Variants in DOP1B observed in about 807,000 individuals in gnomAD.
DOP1B encodes DOP1 leucine zipper like protein B, also known as protein DOP1B.
DOP1B carries 174 observed loss-of-function variants against 233.5 expected under a neutral mutation model. The observed-to-expected ratio is 0.75, with a 90% confidence interval of 0.66 to 0.85. The LOEUF (loss-of-function observed/expected upper bound fraction) is 0.85, where lower values mean the gene tolerates loss of function less well. DOP1B is among the 40% of genes least tolerant of loss of function. The probability of loss-of-function intolerance (pLI) is 0.00; values close to 1 mark genes in which losing one functional copy is unlikely to be tolerated. For synonymous variants in DOP1B, 1,190 were observed against 1,185.6 expected (o/e 1.00, Z -0.08); for missense variants, 2,652 against 2,846.6 (o/e 0.93, Z 1.56).
chr21:36,209,717 A>G (rs565402807), intron 5 of DOP1B, among the ~76,000 whole-genome samples: 12 of 152,182 alleles, frequency 7.9e-5, no homozygotes, highest in African/African-American at 2.6e-4. Flanking sequence ...CCTGGTAACG[A>G]CATCCCTTCT....
intron 5 of DOP1B, among the ~76,000 whole-genome samples, chr21:36,211,071 C>T (rs376494844): frequency 1.8e-4 from 28 of 152,356 alleles, no homozygotes; most frequent in East Asian, 9.6e-4. Context: ...GCCCAGCTTT[C>T]CCGTGGAGCA....
intron 4 of DOP1B, among the ~76,000 whole-genome samples, chr21:36,203,643 G>T (rs2066395681): frequency 1.4e-5 from 2 of 140,850 alleles, no homozygotes; most frequent in African/African-American, 2.9e-5. Flanking sequence ...GGAGGGTGCA[G>T]TGGGGGGGGT....
At chr21:36,252,911 C>T (rs1289796442) in intron 22 of DOP1B, among the ~76,000 whole-genome samples, 1 of 152,220 alleles carries the variant, frequency 6.6e-6, no homozygotes, top group East Asian at 1.9e-4. Context: ...CCTTTGTTCC[C>T]TCCCACCCCT....
In DOP1B at chr21:36,167,929, C is replaced by CTTTTTTTTTTTTTT. The variant is rs1568996068; in HGVS notation, c.138+3062_138+3063insTTTTTTTTTTTTTT. Reference sequence around the variant, plus strand: ...GGTAAGTCACATTTTCTTTTCTTTTCTTTTCTTTTTCTTTTTTTTTTTTTT... The same window carrying CTTTTTTTTTTTTTT: ...GGTAAGTCACATTTTCTTTTCTTTTCTTTTTTTTTTTTTTTTTTCTTTTTCTTTTTTTTTTTTTT... On this transcript the variant is annotated intron_variant, in intron 2 of 36. Transcript: ENST00000691173. Among the ~76,000 whole-genome samples, 33 of 97,310 alleles carry CTTTTTTTTTTTTTT rather than the reference C, an allele frequency of 3.4e-4. 4 individuals are homozygous for CTTTTTTTTTTTTTT. The highest frequency in any genetic ancestry group is 5.4e-4 in the African/African-American group (14 of 26,008). The allele number at this position is 97,310 out of a possible 152,430, so 63.8% of individuals were successfully genotyped here.
At position 36,246,864 on chromosome 21, in the gene DOP1B, T is replaced by TTATGC. The variant is rs1042462383; in HGVS notation, c.4697+191_4697+192insCTATG. ...ATCCATTATGTTATGTTATGTTATG[T>TTATGC]TATGTTATGTTATGTTATGTTATGT... is the stretch of plus-strand genomic sequence containing the variant. On this transcript the variant is annotated intron_variant, in intron 19 of 36. Coordinates refer to ENST00000691173, the MANE Select transcript of DOP1B (RefSeq NM_001320714.2). The surrounding 1 kb of genome is among the most constrained non-coding windows in gnomAD (Gnocchi z 5.1). Among the ~76,000 whole-genome samples the TTATGC allele has an allele frequency of 2.0e-5, 3 of 147,090 alleles. No individual in the cohort carries two copies. Among genetic ancestry groups the TTATGC allele is most frequent in the Non-Finnish European group, 4.4e-5 (3 of 67,700 alleles).
Position 36,214,171 on chromosome 21 carries a change from C to G in DOP1B, c.995C>G (p.Ser332Cys). 6.2e-7 allele frequency: 1 copy of G among 1,610,684 alleles called. No individual in the cohort carries two copies. Among genetic ancestry groups the G allele is most frequent in the South Asian group, 1.1e-5 (1 of 90,642 alleles). ...TCGTCTTATTTTTTTGAAAAATACT[C>G]CAAGGATCTTTTAGTTGAGGTAAAG... ...DQSSYFFEKY[S>C]KDLLVEGLAE... Residue 332 changes from serine (S) to cysteine (C), a missense_variant, in exon 8 of 37, where the codon TCC (serine) becomes TGC (cysteine). Coordinates refer to ENST00000691173, the MANE Select transcript of DOP1B (RefSeq NM_001320714.2).
rs1369535578 is a variant in DOP1B, at chr21:36,219,495, A to G, written c.1250+3A>G. The G allele has an allele frequency of 1.9e-6, 3 of 1,613,822 alleles. No individual in the cohort carries two copies. Among genetic ancestry groups the G allele is most frequent in the Non-Finnish European group, 2.5e-6 (3 of 1,179,966 alleles). ...CAGAGTGGAAATTCGCTGATAAGGTATGGGTTTGGCCTTGAACCTCACGCA... is the reference window on the plus strand; with the variant it reads ...CAGAGTGGAAATTCGCTGATAAGGTGTGGGTTTGGCCTTGAACCTCACGCA... On this transcript the variant is annotated splice_donor_region_variant and intron_variant, in intron 10 of 36. Transcript: ENST00000691173.
At chr21:36,163,973 G>A (rs1197623352) in intron 1 of DOP1B, among the ~76,000 whole-genome samples, 1 of 152,228 alleles carries the variant, frequency 6.6e-6, no homozygotes, top group Non-Finnish European at 1.5e-5. Flanking sequence ...GCTTATGCCA[G>A]GAAGTCTGCC....
chr21:36,207,565 G>T (rs1268672408), intron 4 of DOP1B, among the ~76,000 whole-genome samples: 3 of 147,966 alleles, frequency 2.0e-5, no homozygotes, highest in Non-Finnish European at 3.0e-5. Context: ...CGAGGTCGAG[G>T]CTCCTTCCCC....
intron 2 of DOP1B, chr21:36,170,016 G>T (rs900787956): frequency 4.0e-6 from 3 of 745,398 alleles, no homozygotes; most frequent in Admixed American, 3.5e-5. Flanking sequence ...CCCGTGTGAT[G>T]TGGGTCATGC....
At chr21:36,283,416 G>T (rs911510905) in intron 32 of DOP1B, among the ~76,000 whole-genome samples, 2 of 124,316 alleles carry the variant, frequency 1.6e-5, no homozygotes, top group African/African-American at 5.9e-5. Context: ...AGCATTAACA[G>T]CGTTGACTCG....
At chr21:36,161,221 C>G (rs2065866340) in intron 1 of DOP1B, among the ~76,000 whole-genome samples, 1 of 152,104 alleles carries the variant, frequency 6.6e-6, no homozygotes. Flanking sequence ...TCTGAGCCCA[C>G]TGCAACCTCC....
At chr21:36,198,962 C>T in intron 2 of DOP1B, 108 bp from the exon 3 acceptor site, 1 of 1,214,744 alleles carries the variant, frequency 8.2e-7, no homozygotes, top group Non-Finnish European at 1.1e-6. Context: ...CTCTTTCTTA[C>T]AGCCACACTG....
chr21:36,180,554 C>T (rs2066085759), intron 2 of DOP1B, among the ~76,000 whole-genome samples: 2 of 148,980 alleles, frequency 1.3e-5, no homozygotes, highest in Admixed American at 1.4e-4. Flanking sequence ...GCGCTCCAGC[C>T]TGGGCAAGAG....
At chr21:36,264,763 A>G (rs1459849024) in intron 26 of DOP1B, among the ~76,000 whole-genome samples, 2 of 151,922 alleles carry the variant, frequency 1.3e-5, no homozygotes, top group Non-Finnish European at 2.9e-5. Context: ...GTGAGCTACC[A>G]CACCCAGCCT....
chr21:36,240,208 G>C (rs995203310), intron 18 of DOP1B, among the ~76,000 whole-genome samples: 1 of 152,108 alleles, frequency 6.6e-6, no homozygotes, highest in Non-Finnish European at 1.5e-5. Flanking sequence ...GGCCAGGCAC[G>C]GTGGCTCACA....
chr21:36,223,257 C>CT lies in DOP1B; in HGVS notation c.1278dup (p.Glu427Ter), dbSNP rs771677804. 4 of 1,607,820 alleles carry CT rather than the reference C, an allele frequency of 2.5e-6. No homozygotes were observed. The highest frequency in any genetic ancestry group is 2.7e-5 in the African/African-American group (2 of 74,538). On this transcript the variant is annotated frameshift_variant, in exon 11 of 37. Transcript: ENST00000691173. LOFTEE classifies it high-confidence loss of function. ...GCAATCAAGGAAAACAGAAATGCCT[C>CT]TGAGATTGTCAAAACGGTAAATTTG... is the stretch of plus-strand genomic sequence containing the variant.
rs3827183 is a variant in DOP1B at position 36,289,107 on chromosome 21, G to A, written c.6416G>A (p.Gly2139Glu). Residue 2139 changes from glycine (G) to glutamate (E), a missense_variant, in exon 35 of 37, where the codon GGG (glycine) becomes GAG (glutamate). This residue lies in a region of DOP1B where 2,617 missense variants were observed against 2,794.3 expected (regional missense o/e 0.94). Transcript: ENST00000691173. ...CCGGATGCAAATGGACCCTCAGTGG[G>A]GGAGATACCCCAGAGTGAACTCATC... ...SVPDANGPSV[G>E]EIPQSELILY... 213,733 of 1,613,728 alleles carry A rather than the reference G, an allele frequency of 0.13. 15,337 individuals are homozygous for A. The highest frequency in any genetic ancestry group is 0.25 in the South Asian group (22,472 of 91,022).
chr21:36,191,324 G>T (rs533228621), intron 2 of DOP1B, among the ~76,000 whole-genome samples: 1 of 152,044 alleles, frequency 6.6e-6, no homozygotes, highest in Non-Finnish European at 1.5e-5. Flanking sequence ...AGGGAATCAG[G>T]AGTTTGCAAG....
Sources: gnomAD v4.1 joint callset for allele counts (sites outside exome capture counted in the v4.1 genomes callset) on GRCh38, gnomAD v4.1.1 for gene constraint, gnomAD v4.1.1 regional missense constraint, Gnocchi (gnomAD v3.1) non-coding constraint, MANE v1.5 for transcripts, NCBI Gene and HGNC (gene_info 2026-07-23, HGNC 2026-07-21) for gene names.